RFC2: variants seen among roughly 807,000 people sequenced by gnomAD.
RFC2 encodes the protein replication factor C subunit 2.
In RFC2, 34 loss-of-function variants were observed where a neutral mutation model predicts 44.8. The ratio of observed to expected loss-of-function variants is 0.76; its 90% CI spans 0.58 to 1.01. The LOEUF (loss-of-function observed/expected upper bound fraction) is 1.01. RFC2 is among the 50% of genes least tolerant of loss of function. RFC2 has a pLI of 0.00. For missense variants in RFC2, 400 were observed against 453.6 expected (o/e 0.88, Z 1.07); for synonymous variants, 177 against 168.9 (o/e 1.05, Z -0.37).
intron 2 of RFC2, among the ~76,000 whole-genome samples, chr7:74,251,475 CCA>C (rs1786941289): frequency 6.6e-6 from 1 of 152,186 alleles, no homozygotes; most frequent in South Asian, 2.1e-4. Flanking sequence ...CAGGTGTAAG[CCA>C]CTGTGCCCAG....
At chr7:74,248,544 G>C (rs1584262761) in intron 4 of RFC2, among the ~76,000 whole-genome samples, 1 of 151,504 alleles carries the variant, frequency 6.6e-6, no homozygotes, top group African/African-American at 2.4e-5. Context: ...TCGTCACCCA[G>C]GCTGGAGTGC....
At chr7:74,246,183 G>A (rs1397867290) in intron 5 of RFC2, among the ~76,000 whole-genome samples, 3 of 151,314 alleles carry the variant, frequency 2.0e-5, no homozygotes, top group African/African-American at 7.3e-5. Flanking sequence ...GAGACAGAGC[G>A]AGACTCTGTC....
chr7:74,242,922 CAAAA>C (rs369066999), intron 6 of RFC2, among the ~76,000 whole-genome samples: 1 of 108,578 alleles, frequency 9.2e-6, no homozygotes. Flanking sequence ...GACTTTGTCT[CAAAA>C]AAAAAAAAAA....
intron 4 of RFC2, 34 bp downstream of exon 4, chr7:74,248,978 C>A: frequency 1.4e-6 from 2 of 1,460,026 alleles, no homozygotes; most frequent in Non-Finnish European, 1.9e-6. Context: ...ATGCAGAGCA[C>A]CCGCCCCCCT....
intron 1 of RFC2, 62 bp downstream of exon 1, chr7:74,254,209 G>A: frequency 1.6e-6 from 2 of 1,263,606 alleles, no homozygotes; most frequent in Non-Finnish European, 1.1e-6. Flanking sequence ...TCCGGAGCAC[G>A]GCCCGCCACT....
chr7:74,235,518 A>G lies in RFC2; in HGVS notation c.954+14T>C, dbSNP rs1390613249. On this transcript the variant is annotated intron_variant, in intron 10 of 10. Transcript: ENST00000055077. Reference sequence around the variant, plus strand: ...CATTCTTGAGGACAGAGGCATTTCTACATTCTCACCGACCTTGATAAACTC... The same window carrying G: ...CATTCTTGAGGACAGAGGCATTTCTGCATTCTCACCGACCTTGATAAACTC... The G allele has an allele frequency of 2.0e-6, 3 of 1,488,422 alleles. No individual in the cohort carries two copies. Among genetic ancestry groups the G allele is most frequent in the Non-Finnish European group, 2.8e-6 (3 of 1,065,662 alleles). The allele number at this position is 1,488,422 out of a possible 1,614,324, so 92.2% of individuals were successfully genotyped here. A position where few individuals can be genotyped will look rare whatever the true frequency, so the allele number is the denominator to read the frequency against.
intron 5 of RFC2, among the ~76,000 whole-genome samples, chr7:74,243,555 A>G (rs1162754305): frequency 1.3e-5 from 2 of 151,898 alleles, no homozygotes; most frequent in African/African-American, 4.8e-5. Flanking sequence ...CAAATTCAGG[A>G]GAACAATCAT....
chr7:74,252,541 C>T (rs1787030594), intron 1 of RFC2, 43 bp from the exon 2 acceptor site: 1 of 1,134,622 alleles, frequency 8.8e-7, no homozygotes, highest in Non-Finnish European at 1.3e-6. Context: ...GTTATCTTCA[C>T]ACTACCCCAC....
At position 74,238,884 on chromosome 7, in the gene RFC2, G is replaced by A. The variant is rs373579673; in HGVS notation, c.759+39C>T. On this transcript the variant is annotated intron_variant, in intron 8 of 10. Transcript: ENST00000055077. This position sits in a 1 kb window ranked among gnomAD's most constrained non-coding sequence, Gnocchi z 4.0. ...CCCACTGGCCCCCACAGGGAAGCACGGCTTCTGCTGACAGTACCACCCACA... is the reference window on the plus strand; with the variant it reads ...CCCACTGGCCCCCACAGGGAAGCACAGCTTCTGCTGACAGTACCACCCACA... The A allele has an allele frequency of 6.8e-5, 106 of 1,551,310 alleles. No individual in the cohort carries two copies. Among genetic ancestry groups the A allele is most frequent in the Middle Eastern group, 1.7e-4 (1 of 5,946 alleles).
chr7:74,252,333 G>A, intron 2 of RFC2, 96 bp downstream of exon 2: 1 of 693,178 alleles, frequency 1.4e-6, no homozygotes, highest in Admixed American at 2.2e-5. Context: ...CATGAACCCG[G>A]GAGGCGGAGC....
intron 2 of RFC2, among the ~76,000 whole-genome samples, chr7:74,250,000 A>T (rs544764582): frequency 6.6e-6 from 1 of 151,944 alleles, no homozygotes; most frequent in African/African-American, 2.4e-5. Flanking sequence ...AAAAATAAAC[A>T]AAATTAGCCA....
rs138468156 is a variant in RFC2 at position 74,238,301 on chromosome 7, G to A, written c.759+622C>T. Among the ~76,000 whole-genome samples the A allele has an allele frequency of 9.9e-5, 15 of 152,196 alleles. No individual in the cohort carries two copies. The East Asian group carries it at 2.9e-3, about 29-fold the overall frequency. On this transcript the variant is annotated intron_variant, in intron 8 of 10. Transcript: ENST00000055077. This position sits in a 1 kb window ranked among gnomAD's most constrained non-coding sequence, Gnocchi z 4.0. ...TTCCCAGTTTCTTCCCCCAAATAAG[G>A]GGGAAGTGAATCTCTCAAATGGCAT...
At chr7:74,241,087 C>T (rs985432711) in intron 6 of RFC2, among the ~76,000 whole-genome samples, 15 of 152,074 alleles carry the variant, frequency 9.9e-5, no homozygotes, top group African/African-American at 2.7e-4. Context: ...CACGCTATCA[C>T]ACCCGGCTAA....
intron 10 of RFC2, chr7:74,233,919 T>C: frequency 2.2e-6 from 1 of 455,942 alleles, no homozygotes; most frequent in South Asian, 1.5e-5. Flanking sequence ...CATACACTTA[T>C]CATTTTCCCA....
rs1048108084 is a variant in RFC2, at chr7:74,249,740, G to A, written c.224C>T (p.Ala75Val). The A allele has an allele frequency of 1.6e-5, 26 of 1,612,770 alleles. No homozygotes were observed. The highest frequency in any genetic ancestry group is 8.3e-5 in the Admixed American group (5 of 59,966). ...REGNVPNIII[A>V]GPPGTGKTTS... Reference sequence around the variant, plus strand: ...ACAGGCCCAGGGCTGGGTACTCACCGCAATGATGATGTTGGGCACATTTCC... The same window carrying A: ...ACAGGCCCAGGGCTGGGTACTCACCACAATGATGATGTTGGGCACATTTCC... Residue 75 changes from alanine (A) to valine (V), a missense_variant and splice_region_variant, in exon 3 of 11, where the codon GCG becomes GTG. Transcript: ENST00000055077.
At chr7:74,249,332 G>A (rs1803801352) in intron 3 of RFC2, 4 of 729,580 alleles carry the variant, frequency 5.5e-6, no homozygotes, top group South Asian at 5.2e-5. Context: ...CCTGAGGTCA[G>A]GAGTTCAAGA....
In RFC2 at chr7:74,243,168, ACAAG is replaced by A; in HGVS notation, c.509_512del (p.Ala170ValfsTer23). The A allele has an allele frequency of 6.2e-7, 1 of 1,613,466 alleles. No individual in the cohort carries two copies. Among genetic ancestry groups the A allele is most frequent in the Non-Finnish European group, 8.5e-7 (1 of 1,179,414 alleles). On this transcript the variant is annotated frameshift_variant, in exon 6 of 11. Transcript: ENST00000055077. LOFTEE classifies it high-confidence loss of function. ...CACCGATGATCTTATCCGAAGCATT[ACAAG>A]CAAGGGCGAAGCGAGTGGTTTTAGA... is the stretch of plus-strand genomic sequence containing the variant.
Position 74,254,396 on chromosome 7 carries a change from T to C in RFC2, c.-13A>G, listed in dbSNP as rs41547219. ...CCTCCACCTCCATTCTCGCGCCTCC[T>C]CTTCCCGCCACCCGAGGCACCGCCC... On this transcript the variant is annotated 5_prime_UTR_variant, in exon 1 of 11. Coordinates refer to ENST00000055077, the MANE Select transcript of RFC2 (RefSeq NM_181471.3). 29 of 1,567,572 alleles carry C rather than the reference T, an allele frequency of 1.8e-5. No homozygotes were observed. Among genetic ancestry groups the C allele is most frequent in the Non-Finnish European group, 2.3e-5 (27 of 1,150,444 alleles).
intron 7 of RFC2, 53 bp from the exon 8 acceptor site, chr7:74,239,041 G>T: frequency 1.4e-6 from 2 of 1,459,860 alleles, no homozygotes; most frequent in Non-Finnish European, 1.9e-6. Flanking sequence ...ATTTCTTTTT[G>T]AGTAGAGACA....
Sources: allele counts gnomAD v4.1 joint callset (sites outside exome capture counted in the v4.1 genomes callset), GRCh38; gene constraint gnomAD v4.1.1; non-coding constraint Gnocchi (gnomAD v3.1); transcripts MANE v1.5; gene names NCBI Gene and HGNC (gene_info 2026-07-23, HGNC 2026-07-21).